SYNE3: variants seen among roughly 807,000 people sequenced by gnomAD.
SYNE3 encodes the protein nesprin-3.
SYNE3 carries 100 observed loss-of-function variants against 111.2 expected under a neutral mutation model. That is an observed-to-expected ratio of 0.90 (90% CI 0.77 to 1.06). The LOEUF (loss-of-function observed/expected upper bound fraction) is 1.06. Ranked by LOEUF, SYNE3 falls within the 50% of genes least tolerant of loss-of-function variation. The pLI is 0.00. For synonymous variants in SYNE3, 547 were observed against 533.9 expected (o/e 1.02, Z -0.34); for missense variants, 1,160 against 1,240.3 (o/e 0.94, Z 0.97).
At chr14:95,443,057 A>C in intron 11 of SYNE3, 98 bp downstream of exon 11, 3 of 1,449,636 alleles carry the variant, frequency 2.1e-6, no homozygotes, top group Non-Finnish European at 2.8e-6. Context: ...AGAGGTTAGA[A>C]GGAATGAAGG....
At chr14:95,509,929 A>G (rs1890663424) in intron 1 of SYNE3, among the ~76,000 whole-genome samples, 1 of 152,248 alleles carries the variant, frequency 6.6e-6, no homozygotes. Context: ...TCAGGGAGTT[A>G]GGAGATACCA....
In SYNE3 at chr14:95,417,990, T is replaced by C; in HGVS notation, c.2764A>G (p.Arg922Gly). ...AGTGGGAGCGCCACACAGCACGCCC[T>C]CCGGAAGAGGGAGCCCAGTCCTCGC... Reference protein sequence around the residue: ...RWRGLGSLFRRACCVALPLQL... With the variant: ...RWRGLGSLFRGACCVALPLQL... The change falls in exon 18 of 18, where the codon AGG becomes GGG. Residue 922 changes from arginine (R) to glycine (G), a missense_variant. Arg to Gly is a moderately radical substitution (Grantham distance 125, BLOSUM62 -2). Transcript: ENST00000682763. 1 of 1,611,960 alleles carries C rather than the reference T, an allele frequency of 6.2e-7. No homozygotes were observed. The highest frequency in any genetic ancestry group is 8.5e-7 in the Non-Finnish European group (1 of 1,179,792).
Position 95,432,105 on chromosome 14 carries a change from G to A in SYNE3, c.2701C>T (p.Pro901Ser), listed in dbSNP as rs1354196722. The A allele has an allele frequency of 6.2e-7, 1 of 1,612,582 alleles. No homozygotes were observed. ...TTTTGGAATCCAGTCGGCTCCCCTG[G>A]AGAACTTTGTGTCTGTTATTTTAGG... The part of the protein sequence containing the change: ...DSGHLLTQSS[P>S]GEPTGFQKTR... The change falls in exon 17 of 18, where the codon CCA becomes TCA. Residue 901 changes from proline (P) to serine (S), a missense_variant. Physicochemically the swap from Pro to Ser is moderately conservative, Grantham distance 74. Transcript: ENST00000682763.
At chr14:95,459,605 AG>A (rs1183084525) in intron 4 of SYNE3, among the ~76,000 whole-genome samples, 1 of 152,330 alleles carries the variant, frequency 6.6e-6, no homozygotes, top group South Asian at 2.1e-4. Flanking sequence ...AGCTGGGAAG[AG>A]TGAACGGGTA....
intron 1 of SYNE3, among the ~76,000 whole-genome samples, chr14:95,511,658 T>C (rs1224177413): frequency 6.6e-6 from 1 of 152,000 alleles, no homozygotes; most frequent in Non-Finnish European, 1.5e-5. Flanking sequence ...GAGGTTACGG[T>C]GAGCTGAGAT....
rs547728289 is a variant in SYNE3, at chr14:95,452,353, G to T, written c.1168C>A (p.Pro390Thr). ...ATRAALASEE[P>T]RVDRLQAQLK... ...TGGGCTTGCAGCCGGTCCACCCGGGGCTCCTCCGAGGCCAGCGCCGCCCGT... is the reference window on the plus strand; with the variant it reads ...TGGGCTTGCAGCCGGTCCACCCGGGTCTCCTCCGAGGCCAGCGCCGCCCGT... Residue 390 changes from proline to threonine, a missense_variant, in exon 7 of 18, where the codon CCC becomes ACC. Coordinates refer to ENST00000682763, the MANE Select transcript of SYNE3 (RefSeq NM_152592.6). The T allele has an allele frequency of 1.9e-6, 3 of 1,613,004 alleles. No individual in the cohort carries two copies. In the Admixed American group the frequency reaches 5.0e-5, roughly 27 times the overall value.
intron 1 of SYNE3, among the ~76,000 whole-genome samples, chr14:95,512,173 GAC>G (rs1175817888): frequency 6.6e-6 from 1 of 152,098 alleles, no homozygotes; most frequent in Non-Finnish European, 1.5e-5. Flanking sequence ...AAAGATTTAT[GAC>G]ACATAAAATC....
chr14:95,457,017 G>A lies in SYNE3; in HGVS notation c.789+160C>T, dbSNP rs143318755. Among the ~76,000 whole-genome samples the A allele has an allele frequency of 7.1e-3, 1,082 of 151,660 alleles. 7 individuals are homozygous for A. Among genetic ancestry groups the A allele is most frequent in the African/African-American group, 0.025 (1,029 of 41,262 alleles). On this transcript the variant is annotated intron_variant, in intron 5 of 17. Transcript: ENST00000682763. ...GGAGAATGGTGTGAACCCAGGAGGT[G>A]GAGCTTGCAGTGAGCTGAGATCGCG...
At chr14:95,457,599 T>C (rs928818342) in intron 4 of SYNE3, among the ~76,000 whole-genome samples, 6 of 152,234 alleles carry the variant, frequency 3.9e-5, no homozygotes, top group Non-Finnish European at 7.3e-5. Context: ...CTGGCTTTCT[T>C]GTTTGCCACA....
At chr14:95,492,074 G>A (rs948951062) in intron 1 of SYNE3, among the ~76,000 whole-genome samples, 1 of 151,986 alleles carries the variant, frequency 6.6e-6, no homozygotes, top group Non-Finnish European at 1.5e-5. Context: ...AACCAAAATG[G>A]GATACTAATT....
chr14:95,498,324 G>A (rs970176733), intron 1 of SYNE3, among the ~76,000 whole-genome samples: 1 of 152,132 alleles, frequency 6.6e-6, no homozygotes, highest in African/African-American at 2.4e-5. Flanking sequence ...CCAAGTAGCT[G>A]GGATTCCATT....
At chr14:95,476,041 G>A (rs1888869766) in intron 1 of SYNE3, among the ~76,000 whole-genome samples, 1 of 152,230 alleles carries the variant, frequency 6.6e-6, no homozygotes. Context: ...TGGGAAAACT[G>A]GCCTAGGGCT....
chr14:95,481,143 C>G (rs1235048442), intron 1 of SYNE3, among the ~76,000 whole-genome samples: 1 of 152,264 alleles, frequency 6.6e-6, no homozygotes, highest in Non-Finnish European at 1.5e-5. Context: ...AATGCGCAGA[C>G]TGCAGTCACT....
rs796750479 is a variant in SYNE3 at position 95,414,671 on chromosome 14, C to CCTCT, written c.*3151_*3154dup. The CCTCT allele has an allele frequency of 6.9e-6, 1 of 144,664 alleles. No homozygotes were observed. The highest frequency in any genetic ancestry group is 7.0e-5 in the Admixed American group (1 of 14,300). The allele number at this position is 144,664 out of a possible 1,614,324, so 9.0% of individuals were successfully genotyped here. ...TCCTTTCTCCCTCCTCTCCTTCCCT[C>CCTCT]CTCTCTCTCTCTCTGACACACACAC... On this transcript the variant is annotated 3_prime_UTR_variant, in exon 18 of 18. Transcript: ENST00000682763.
intron 1 of SYNE3, among the ~76,000 whole-genome samples, chr14:95,511,640 G>A (rs907563772): frequency 3.8e-4 from 58 of 152,166 alleles, no homozygotes; most frequent in African/African-American, 1.1e-3. Context: ...GCTTGAACCC[G>A]GGAGGCAGAG....
intron 1 of SYNE3, among the ~76,000 whole-genome samples, chr14:95,511,574 G>A (rs57823775): frequency 0.074 from 11,227 of 151,864 alleles, 1,280 homozygotes; most frequent in African/African-American, 0.25. Context: ...AATTAGCTGG[G>A]CATGGTGGCA....
chr14:95,473,099 T>C lies in SYNE3; in HGVS notation c.144+2579A>G, dbSNP rs1172534699. Among the ~76,000 whole-genome samples the C allele has an allele frequency of 2.0e-5, 3 of 152,180 alleles. No homozygotes were observed. The East Asian group carries it at 5.8e-4, about 29-fold the overall frequency. ...TGGCAACAGGAAAACGTTTTCTTTC[T>C]TATTGTGAAATTGGTTTTGAAGTGG... On this transcript the variant is annotated intron_variant, in intron 2 of 17. Transcript: ENST00000682763.
chr14:95,482,303 G>A (rs956957960), intron 1 of SYNE3, among the ~76,000 whole-genome samples: 15 of 152,268 alleles, frequency 9.9e-5, no homozygotes, highest in East Asian at 7.7e-4. Flanking sequence ...GCGTGATAGC[G>A]TGCGCCTGTA....
chr14:95,440,163 C>T, intron 11 of SYNE3, 88 bp from the exon 12 acceptor site: 3 of 1,475,922 alleles, frequency 2.0e-6, no homozygotes, highest in African/African-American at 1.4e-5. Context: ...AGGGCTCTCA[C>T]ACCCGCTGGG....
Sources: gnomAD v4.1 joint callset for allele counts (sites outside exome capture counted in the v4.1 genomes callset) on GRCh38, gnomAD v4.1.1 for gene constraint, MANE v1.5 for transcripts, NCBI Gene and HGNC (gene_info 2026-07-23, HGNC 2026-07-21) for gene names.